The following WDPCP variants were observed in gnomAD, a reference collection of about 807,000 sequenced individuals.
WDPCP encodes WD repeat-containing and planar cell polarity effector protein fritz homolog.
WDPCP carries 71 observed loss-of-function variants against 93.1 expected under a neutral mutation model. The observed-to-expected ratio is 0.76, with a 90% confidence interval of 0.63 to 0.93. The LOEUF (loss-of-function observed/expected upper bound fraction) is 0.93. Ranked by LOEUF, WDPCP falls within the 40% of genes least tolerant of loss-of-function variation. WDPCP has a pLI of 0.00. For missense variants in WDPCP, 844 were observed against 887.4 expected (o/e 0.95, Z 0.62); for synonymous variants, 315 against 315.0 (o/e 1.00, Z 0.00).
At chr2:63,409,077 G>A (rs531952924) in intron 9 of WDPCP, among the ~76,000 whole-genome samples, 3 of 152,258 alleles carry the variant, frequency 2.0e-5, no homozygotes, top group African/African-American at 7.2e-5. Flanking sequence ...GCCACCTCCC[G>A]GCAGGAGGCC....
At chr2:63,627,967 C>T (rs962221722) in intron 3 of WDPCP, among the ~76,000 whole-genome samples, 4 of 152,202 alleles carry the variant, frequency 2.6e-5, no homozygotes, top group African/African-American at 7.2e-5. Flanking sequence ...CGTCCTCGGA[C>T]GGCAAAACTA....
chr2:63,830,290 T>G (rs1671172818), upstream of WDPCP, among the ~76,000 whole-genome samples: 1 of 152,134 alleles, frequency 6.6e-6, no homozygotes, highest in Non-Finnish European at 1.5e-5. Context: ...AGATCTTTAC[T>G]GGAACCTCAT....
rs966447874 is a variant in WDPCP at position 63,588,316 on chromosome 2, G to C, written c.-45C>G. ...CAGAAGGTTCCTAGGCTAGGTCCTC[G>C]GACCCGAGAGGGAGCGACACGCTCG... On this transcript the variant is annotated 5_prime_UTR_variant, in exon 1 of 18. Transcript: ENST00000272321. 4 of 1,551,744 alleles carry C rather than the reference G, an allele frequency of 2.6e-6. No homozygotes were observed. Among genetic ancestry groups the C allele is most frequent in the Non-Finnish European group, 3.5e-6 (4 of 1,145,322 alleles).
chr2:63,356,435 G>C (rs1337671808), intron 12 of WDPCP, among the ~76,000 whole-genome samples: 2 of 152,134 alleles, frequency 1.3e-5, no homozygotes, highest in East Asian at 3.8e-4. Context: ...GGATGTGATA[G>C]ACCTTTAAAG....
chr2:63,772,979 G>A (rs1670250684), intron 2 of WDPCP, among the ~76,000 whole-genome samples: 2 of 151,880 alleles, frequency 1.3e-5, no homozygotes, highest in Admixed American at 1.3e-4. Context: ...GTATTAGAAT[G>A]AAAGAAAAAT....
intron 8 of WDPCP, among the ~76,000 whole-genome samples, chr2:63,436,930 C>G (rs896840879): frequency 1.1e-4 from 16 of 152,092 alleles, no homozygotes; most frequent in African/African-American, 3.6e-4. Flanking sequence ...TTTCTTTTTG[C>G]ATTTTGTCCA....
intron 2 of WDPCP, among the ~76,000 whole-genome samples, chr2:63,802,316 A>G (rs1249725955): frequency 7.9e-6 from 1 of 127,328 alleles, no homozygotes; most frequent in African/African-American, 3.0e-5. Flanking sequence ...AAAAAAAAAA[A>G]AAAAAGATTT....
At position 63,788,919 on chromosome 2, in the gene WDPCP, C is replaced by A. The variant is rs1198334335; in HGVS notation, n.308+24703G>T. Among the ~76,000 whole-genome samples, 3 of 152,088 alleles carry A rather than the reference C, an allele frequency of 2.0e-5. No homozygotes were observed. In the East Asian group the frequency reaches 5.8e-4, roughly 29 times the overall value. ...ATGCCTATAATTCTGAGCATTCAGA[C>A]CCTAAACACTAAACATAGATCCTCA... On this transcript the variant is annotated intron_variant and non_coding_transcript_variant, in intron 2 of 4. Transcript: ENST00000467687.
chr2:63,126,902 C>A (rs969282914), intron 17 of WDPCP, among the ~76,000 whole-genome samples: 2 of 151,892 alleles, frequency 1.3e-5, no homozygotes, highest in African/African-American at 4.8e-5. Flanking sequence ...AAGCTAGTCT[C>A]AAACTACTGG....
chr2:63,535,769 A>C (rs1341063204), intron 1 of WDPCP, among the ~76,000 whole-genome samples: 2 of 152,182 alleles, frequency 1.3e-5, no homozygotes, highest in African/African-American at 4.8e-5. Context: ...CTAGAAGAAA[A>C]CCTAGGCAAT....
chr2:63,506,876 G>C (rs537694433), intron 1 of WDPCP, among the ~76,000 whole-genome samples: 3 of 151,866 alleles, frequency 2.0e-5, no homozygotes, highest in Non-Finnish European at 4.4e-5. Context: ...AGGGAGAAAA[G>C]GAACTCCTGG....
intron 2 of WDPCP, among the ~76,000 whole-genome samples, chr2:63,688,693 T>C (rs1288505808): frequency 6.6e-6 from 1 of 152,180 alleles, no homozygotes; most frequent in Non-Finnish European, 1.5e-5. Flanking sequence ...ATTACCCTGA[T>C]AGGATTATTA....
At chr2:63,515,657 T>C (rs1382018611) in intron 1 of WDPCP, among the ~76,000 whole-genome samples, 1 of 152,200 alleles carries the variant, frequency 6.6e-6, no homozygotes, top group Non-Finnish European at 1.5e-5. Context: ...AAGGAGAAAG[T>C]TCTCTTCTCA....
At chr2:63,459,875 C>A (rs1698891395) in intron 6 of WDPCP, among the ~76,000 whole-genome samples, 1 of 151,438 alleles carries the variant, frequency 6.6e-6, no homozygotes, top group Non-Finnish European at 1.5e-5. Flanking sequence ...TGAGATTGCG[C>A]CACTGTACTC....
At chr2:63,361,144 A>G (rs768652137) in intron 12 of WDPCP, among the ~76,000 whole-genome samples, 3 of 152,200 alleles carry the variant, frequency 2.0e-5, no homozygotes, top group Admixed American at 1.3e-4. Flanking sequence ...CACCTAGCAC[A>G]TGTAGTTAGA....
chr2:63,486,728 G>GTCCTT (rs1700595968), intron 3 of WDPCP, 142 bp from the exon 4 acceptor site: 1 of 715,644 alleles, frequency 1.4e-6, no homozygotes, highest in African/African-American at 1.9e-5. Flanking sequence ...TTATGCTTAG[G>GTCCTT]TTCTAAAAGG....
At chr2:63,588,757 G>T (rs1467611345), upstream of WDPCP, 2 of 525,032 alleles carry the variant, frequency 3.8e-6, no homozygotes, top group African/African-American at 1.9e-5. Flanking sequence ...AATCACAGGG[G>T]CTCATCCTCA....
intron 1 of WDPCP, among the ~76,000 whole-genome samples, chr2:63,496,034 T>C (rs1701203530): frequency 2.0e-5 from 3 of 152,160 alleles, no homozygotes; most frequent in Non-Finnish European, 4.4e-5. Context: ...GCATCAAAAG[T>C]CACCAACTTC....
chr2:63,531,432 C>T (rs1019178440), intron 1 of WDPCP, among the ~76,000 whole-genome samples: 1 of 152,194 alleles, frequency 6.6e-6, no homozygotes, highest in Non-Finnish European at 1.5e-5. Context: ...TGGGAGACAC[C>T]TCCCAGTAGG....
Sources: gnomAD v4.1 joint callset for allele counts (sites outside exome capture counted in the v4.1 genomes callset) on GRCh38, gnomAD v4.1.1 for gene constraint, MANE v1.5 for transcripts, NCBI Gene and HGNC (gene_info 2026-07-23, HGNC 2026-07-21) for gene names.